KIF21A: variants seen among roughly 807,000 people sequenced by gnomAD.
The protein encoded by KIF21A is kinesin-like protein KIF21A.
KIF21A carries 114 observed loss-of-function variants against 202.9 expected under a neutral mutation model. The ratio of observed to expected loss-of-function variants is 0.56; its 90% CI spans 0.48 to 0.66. The LOEUF (loss-of-function observed/expected upper bound fraction) is 0.66. Ranked by LOEUF, KIF21A falls within the 30% of genes least tolerant of loss-of-function variation. The pLI, the probability that KIF21A is intolerant of heterozygous loss-of-function variation, is 0.00. For synonymous variants in KIF21A, 667 were observed against 670.8 expected, an observed-to-expected ratio of 0.99 and a Z score of 0.09; for missense variants, 1,677 against 1,994.9, an observed-to-expected ratio of 0.84 and a Z score of 3.04.
Position 39,332,928 on chromosome 12 carries a change from G to A in KIF21A, c.2667C>T (p.Val889=). 1 of 1,613,994 alleles carries A rather than the reference G, an allele frequency of 6.2e-7. No individual in the cohort carries two copies. The highest frequency in any genetic ancestry group is 1.3e-5 in the African/African-American group (1 of 75,014). The stretch of plus-strand genomic sequence containing the variant: ...TTGTTGCCGGCGTTGGTAAGGCCTG[G>A]ACTCTCGCCACAGGAATTCTCATTT... ...QQKMRIPVAR[V]QALPTPATNG... Residue 889 remains valine (V), a synonymous_variant, in exon 19 of 38, where the codon GTC becomes GTT. Coordinates refer to ENST00000361418, the MANE Select transcript of KIF21A (RefSeq NM_001173464.2).
At chr12:39,428,456 T>C (rs890843054) in intron 1 of KIF21A, among the ~76,000 whole-genome samples, 1 of 152,230 alleles carries the variant, frequency 6.6e-6, no homozygotes, top group Non-Finnish European at 1.5e-5. Flanking sequence ...GTGGCTATTA[T>C]TGTGTCAACA....
intron 26 of KIF21A, among the ~76,000 whole-genome samples, chr12:39,323,234 C>T (rs977197007): frequency 1.4e-4 from 21 of 151,966 alleles, no homozygotes; most frequent in African/African-American, 4.8e-4. Context: ...TAGTAAGTGG[C>T]AAAGCCAGAT....
intron 32 of KIF21A, among the ~76,000 whole-genome samples, chr12:39,311,165 C>G (rs992100668): frequency 3.9e-5 from 6 of 152,054 alleles, no homozygotes; most frequent in South Asian, 4.1e-4. Flanking sequence ...ATTCAGGACT[C>G]TACATGCAGT....
At chr12:39,362,648 A>C (rs991027198) in intron 7 of KIF21A, among the ~76,000 whole-genome samples, 2 of 152,156 alleles carry the variant, frequency 1.3e-5, no homozygotes, top group Non-Finnish European at 2.9e-5. Context: ...AAAAATTTGA[A>C]TTTTTAGAAG....
At chr12:39,303,184 C>A in intron 35 of KIF21A, 49 bp from the exon 36 acceptor site, 1 of 1,515,820 alleles carries the variant, frequency 6.6e-7, no homozygotes, top group Non-Finnish European at 9.2e-7. Context: ...TGCAAATAAA[C>A]ACCAATATTT....
rs147266768 is a variant in KIF21A at position 39,417,918 on chromosome 12, A to C, written c.44+25009T>G. Among the ~76,000 whole-genome samples the C allele has an allele frequency of 2.1e-3, 316 of 152,234 alleles. 2 individuals are homozygous for C. The highest frequency in any genetic ancestry group is 3.2e-3 in the Non-Finnish European group (219 of 67,990). Reference sequence around the variant, plus strand: ...GTCTAATTCTGTCATTTAAATAAGCAAAGAATTGGCTGGGTGCAGTGGCTT... The same window carrying C: ...GTCTAATTCTGTCATTTAAATAAGCCAAGAATTGGCTGGGTGCAGTGGCTT... On this transcript the variant is annotated intron_variant, in intron 1 of 37. Transcript: ENST00000361418.
chr12:39,314,989 T>C (rs1187847451), intron 31 of KIF21A, among the ~76,000 whole-genome samples: 1 of 151,872 alleles, frequency 6.6e-6, no homozygotes, highest in East Asian at 1.9e-4. Context: ...CCAAAGATAA[T>C]AGAAACTTAA....
intron 1 of KIF21A, among the ~76,000 whole-genome samples, chr12:39,393,935 C>T (rs1193120248): frequency 1.3e-5 from 2 of 152,066 alleles, no homozygotes; most frequent in African/African-American, 4.8e-5. Flanking sequence ...TAGAAGTAGG[C>T]GGGCTTTTAA....
intron 34 of KIF21A, among the ~76,000 whole-genome samples, chr12:39,306,550 T>A (rs938625916): frequency 6.6e-6 from 1 of 152,234 alleles, no homozygotes; most frequent in African/African-American, 2.4e-5. Flanking sequence ...TTAAATGTTA[T>A]AAATTATAAC....
intron 6 of KIF21A, among the ~76,000 whole-genome samples, chr12:39,364,056 T>A (rs1949435580): frequency 6.6e-6 from 1 of 152,100 alleles, no homozygotes; most frequent in South Asian, 2.1e-4. Flanking sequence ...TGTGTTAGCA[T>A]CCAATTATTT....
At chr12:39,298,903 A>T (rs985738909) in intron 37 of KIF21A, among the ~76,000 whole-genome samples, 1 of 152,164 alleles carries the variant, frequency 6.6e-6, no homozygotes, top group African/African-American at 2.4e-5. Flanking sequence ...AATAATACTT[A>T]ACTTCTAGAG....
chr12:39,438,012 A>G (rs2140457113), intron 1 of KIF21A, among the ~76,000 whole-genome samples: 1 of 152,296 alleles, frequency 6.6e-6, no homozygotes, highest in Middle Eastern at 3.4e-3. Context: ...TTTTTAAAAC[A>G]TTTGGAAGTA....
rs568441722 is a variant in KIF21A, at chr12:39,340,714, G to T, written c.2110+192C>A. Among the ~76,000 whole-genome samples the T allele has an allele frequency of 8.7e-4, 132 of 151,774 alleles. 1 individual carries two copies. Among genetic ancestry groups the T allele is most frequent in the African/African-American group, 3.1e-3 (127 of 41,392 alleles). Reference sequence around the variant, plus strand: ...TATGAGACAAATTAACATATAATGTGGCCAAAAAGTATTTACAAGCTACAT... The same window carrying T: ...TATGAGACAAATTAACATATAATGTTGCCAAAAAGTATTTACAAGCTACAT... On this transcript the variant is annotated intron_variant, in intron 15 of 37. Coordinates refer to ENST00000361418, the MANE Select transcript of KIF21A (RefSeq NM_001173464.2).
At position 39,337,205 on chromosome 12, in the gene KIF21A, TAACC is replaced by T; in HGVS notation, c.2311-6_2311-3del. On this transcript the variant is annotated splice_region_variant and splice_polypyrimidine_tract_variant and intron_variant, in intron 16 of 37. Coordinates refer to ENST00000361418, the MANE Select transcript of KIF21A (RefSeq NM_001173464.2). ...TTTCATTTGTTTCATTAGGCGAACC[TAACC>T]AATTAGGTATAGACATCTATTGAAA... 2.5e-6 allele frequency: 4 copies of T among 1,580,760 alleles called. No individual in the cohort carries two copies. The highest frequency in any genetic ancestry group is 3.5e-6 in the Non-Finnish European group (4 of 1,151,024).
chr12:39,414,153 T>C (rs1566247002), intron 1 of KIF21A, among the ~76,000 whole-genome samples: 1 of 152,236 alleles, frequency 6.6e-6, no homozygotes, highest in Non-Finnish European at 1.5e-5. Flanking sequence ...TCATTCTATA[T>C]ACTTGAGAGA....
At chr12:39,313,783 A>T (rs146853603) in intron 31 of KIF21A, among the ~76,000 whole-genome samples, 27 of 152,042 alleles carry the variant, frequency 1.8e-4, no homozygotes, top group African/African-American at 6.0e-4. Context: ...GGAGAAAGAC[A>T]GCGATAGACT....
intron 31 of KIF21A, chr12:39,312,358 G>A (rs778938886): frequency 2.0e-5 from 3 of 151,928 alleles, no homozygotes; most frequent in East Asian, 3.9e-4. Flanking sequence ...GTAGAAGGAC[G>A]GTTACCAGAG....
In KIF21A at chr12:39,393,488, T is replaced by C. The variant is rs574619223; in HGVS notation, c.45-23227A>G. Among the ~76,000 whole-genome samples the C allele has an allele frequency of 6.6e-5, 10 of 152,336 alleles. No homozygotes were observed. In the East Asian group the frequency reaches 1.9e-3, roughly 29 times the overall value. On this transcript the variant is annotated intron_variant, in intron 1 of 37. Transcript: ENST00000361418. ...GTTGTCCAGAGACACCCCTGGTGAC[T>C]TGGCTGTGTTCGCAACTCCATTATG...
intron 1 of KIF21A, among the ~76,000 whole-genome samples, chr12:39,394,675 GA>G (rs1288124875): frequency 6.6e-6 from 1 of 152,144 alleles, no homozygotes; most frequent in Non-Finnish European, 1.5e-5. Context: ...ACTGGAGTCA[GA>G]AAACCCAGAT....
Sources: allele counts gnomAD v4.1 joint callset (sites outside exome capture counted in the v4.1 genomes callset), GRCh38; gene constraint gnomAD v4.1.1; transcripts MANE v1.5; gene names NCBI Gene and HGNC (gene_info 2026-07-23, HGNC 2026-07-21).